Variants in RANBP9 observed in about 807,000 individuals in gnomAD.
RANBP9 encodes the protein ran-binding protein 9.
RANBP9 carries 15 observed loss-of-function variants against 84.3 expected under a neutral mutation model. The ratio of observed to expected loss-of-function variants is 0.18; its 90% CI spans 0.12 to 0.27. The LOEUF (loss-of-function observed/expected upper bound fraction) is 0.27, where lower values mean the gene tolerates loss of function less well. Ranked by LOEUF, RANBP9 falls within the 10% of genes least tolerant of loss-of-function variation. The pLI, the probability that RANBP9 is intolerant of heterozygous loss-of-function variation, is 1.00. For synonymous variants in RANBP9, 392 were observed against 349.6 expected (o/e 1.12, Z -1.35); for missense variants, 809 against 912.8 (o/e 0.89, Z 1.46).
intron 1 of RANBP9, among the ~76,000 whole-genome samples, chr6:13,703,997 A>T (rs1208477571): frequency 6.6e-6 from 1 of 152,190 alleles, no homozygotes; most frequent in African/African-American, 2.4e-5. Context: ...CCCAAACATC[A>T]TCCTAACAGA....
chr6:13,705,798 G>A (rs1019519266), intron 1 of RANBP9, among the ~76,000 whole-genome samples: 4 of 149,820 alleles, frequency 2.7e-5, no homozygotes, highest in African/African-American at 9.9e-5. Flanking sequence ...AGGAGGCGGA[G>A]CTTGCAGTGA....
intron 1 of RANBP9, among the ~76,000 whole-genome samples, chr6:13,709,909 G>A (rs549615508): frequency 1.3e-5 from 2 of 152,308 alleles, no homozygotes; most frequent in African/African-American, 4.8e-5. Context: ...AAGTGAGGCT[G>A]CCGTGAATGT....
At chr6:13,658,966 T>G (rs1356590872) in intron 2 of RANBP9, 134 bp from the exon 3 acceptor site, 3 of 763,054 alleles carry the variant, frequency 3.9e-6, no homozygotes, top group South Asian at 3.1e-5. Flanking sequence ...AAAATTTTAT[T>G]ACAATTTATT....
chr6:13,649,748 C>T (rs1765253253), intron 5 of RANBP9, among the ~76,000 whole-genome samples: 1 of 152,094 alleles, frequency 6.6e-6, no homozygotes, highest in South Asian at 2.1e-4. Flanking sequence ...GCTACTACTC[C>T]ATTTCTTTAC....
chr6:13,683,443 A>C (rs1304751026), intron 2 of RANBP9, among the ~76,000 whole-genome samples: 1 of 152,226 alleles, frequency 6.6e-6, no homozygotes, highest in Non-Finnish European at 1.5e-5. Flanking sequence ...CATTAAAATG[A>C]AATTTTCTTC....
In RANBP9 at chr6:13,622,489, G is replaced by C. The variant is rs112516735; in HGVS notation, c.2063C>G (p.Thr688Ser). 1.3e-6 allele frequency: 2 copies of C among 1,561,094 alleles called. No individual in the cohort carries two copies. Among genetic ancestry groups the C allele is most frequent in the South Asian group, 2.4e-5 (2 of 83,426 alleles). ...CSALNSAILE[T>S]HNLPKQPPLA... ...TGGAGGTTGCTTTGGCAGATTGTGGGTTTCTGAGGAAAAATAATTTAAAAA... is the reference window on the plus strand; with the variant it reads ...TGGAGGTTGCTTTGGCAGATTGTGGCTTTCTGAGGAAAAATAATTTAAAAA... The change falls in exon 14 of 14, where the codon ACC becomes AGC. Residue 688 changes from threonine (T) to serine (S), a missense_variant. Coordinates refer to ENST00000011619, the MANE Select transcript of RANBP9 (RefSeq NM_005493.3).
chr6:13,641,003 A>C (rs181422111), intron 8 of RANBP9, among the ~76,000 whole-genome samples, 196 bp downstream of exon 8: 1 of 152,318 alleles, frequency 6.6e-6, no homozygotes, highest in East Asian at 1.9e-4. Context: ...ATACATAGCA[A>C]AAGACACCTT....
intron 2 of RANBP9, among the ~76,000 whole-genome samples, chr6:13,668,439 C>T (rs1351661606): frequency 6.6e-6 from 1 of 151,946 alleles, no homozygotes; most frequent in East Asian, 1.9e-4. Flanking sequence ...GAAAAAATAT[C>T]CTTCATTAAT....
chr6:13,706,148 C>G, intron 1 of RANBP9, among the ~76,000 whole-genome samples: 1 of 151,632 alleles, frequency 6.6e-6, no homozygotes, highest in East Asian at 2.0e-4. Flanking sequence ...TAAGAGACCA[C>G]CTTGGCTAAC....
intron 2 of RANBP9, among the ~76,000 whole-genome samples, chr6:13,677,651 C>CA (rs1765926131): frequency 6.6e-6 from 1 of 152,184 alleles, no homozygotes. Flanking sequence ...CTATAATTCA[C>CA]AAGTTACCAA....
At chr6:13,647,891 C>T (rs973247797) in intron 5 of RANBP9, among the ~76,000 whole-genome samples, 6 of 152,054 alleles carry the variant, frequency 3.9e-5, no homozygotes, top group African/African-American at 1.2e-4. Flanking sequence ...CCTTAACTTG[C>T]TATATTACAG....
chr6:13,677,717 A>C (rs774537200), intron 2 of RANBP9, among the ~76,000 whole-genome samples: 20 of 152,330 alleles, frequency 1.3e-4, no homozygotes, highest in Middle Eastern at 3.4e-3. Flanking sequence ...GTAAAAGAAC[A>C]AACTTTAACA....
chr6:13,630,172 G>C (rs953276374), intron 12 of RANBP9, among the ~76,000 whole-genome samples: 6 of 152,064 alleles, frequency 3.9e-5, no homozygotes, highest in Non-Finnish European at 7.4e-5. Flanking sequence ...TCTAGATCAA[G>C]ATAAGTTTGG....
intron 9 of RANBP9, 77 bp downstream of exon 9, chr6:13,639,486 A>G: frequency 6.9e-7 from 1 of 1,446,870 alleles, no homozygotes; most frequent in Non-Finnish European, 9.5e-7. Context: ...CTGGAAATAT[A>G]CAGATTTTCA....
At chr6:13,686,357 C>T (rs1334542445) in intron 2 of RANBP9, among the ~76,000 whole-genome samples, 2 of 152,018 alleles carry the variant, frequency 1.3e-5, no homozygotes, top group Non-Finnish European at 2.9e-5. Context: ...GCGATCTTGG[C>T]TCACTACAGC....
At chr6:13,635,850 G>A (rs1018790707) in intron 10 of RANBP9, among the ~76,000 whole-genome samples, 3 of 151,180 alleles carry the variant, frequency 2.0e-5, no homozygotes, top group Non-Finnish European at 4.4e-5. Context: ...TATTTGGAAG[G>A]AACTCGTTCA....
chr6:13,664,476 T>C (rs1398263513), intron 2 of RANBP9, among the ~76,000 whole-genome samples: 1 of 152,050 alleles, frequency 6.6e-6, no homozygotes, highest in African/African-American at 2.4e-5. Context: ...TTTTTTAATC[T>C]GAAAAGCTGA....
chr6:13,637,975 G>T lies in RANBP9; in HGVS notation c.1526-20C>A. The T allele has an allele frequency of 6.4e-7, 1 of 1,574,530 alleles. No homozygotes were observed. The highest frequency in any genetic ancestry group is 8.6e-7 in the Non-Finnish European group (1 of 1,163,166). ...CAAAACCTGAAGAAAAAGATACCAC[G>T]TAGAAACAGAAACAAACACTAATTT... On this transcript the variant is annotated intron_variant, in intron 9 of 13. Transcript: ENST00000011619.
chr6:13,630,454 G>A (rs1164867735), intron 12 of RANBP9, among the ~76,000 whole-genome samples: 2 of 150,888 alleles, frequency 1.3e-5, no homozygotes, highest in Non-Finnish European at 2.9e-5. Context: ...TGCTCAATTA[G>A]CATAAAGTTT....
Sources: gnomAD v4.1 joint callset for allele counts (sites outside exome capture counted in the v4.1 genomes callset) on GRCh38, gnomAD v4.1.1 for gene constraint, MANE v1.5 for transcripts, NCBI Gene and HGNC (gene_info 2026-07-23, HGNC 2026-07-21) for gene names.